The following DOCK4 variants were observed in gnomAD, a reference collection of about 807,000 sequenced individuals.
DOCK4 encodes dedicator of cytokinesis 4.
A neutral mutation model predicts 268.1 loss-of-function variants in DOCK4; 97 were observed. That is an observed-to-expected ratio of 0.36 (90% CI 0.31 to 0.43). DOCK4 has a LOEUF of 0.43. Among genes scored for constraint, DOCK4 ranks in the 20% least tolerant of loss-of-function variants. DOCK4 has a pLI of 1.00. For synonymous variants in DOCK4, 954 were observed against 887.2 expected (o/e 1.08, Z -1.34); for missense variants, 2,145 against 2,455.7 (o/e 0.87, Z 2.67).
intron 42 of DOCK4, among the ~76,000 whole-genome samples, chr7:111,750,487 A>G (rs1796558317): frequency 6.6e-6 from 1 of 152,240 alleles, no homozygotes; most frequent in Non-Finnish European, 1.5e-5. Flanking sequence ...GGAATGTTTC[A>G]TAATCGACAC....
chr7:111,916,980 GT>G (rs749349556), intron 12 of DOCK4, among the ~76,000 whole-genome samples: 175 of 83,968 alleles, frequency 2.1e-3, no homozygotes, highest in African/African-American at 5.7e-3. Flanking sequence ...TTTCCCCCAT[GT>G]TTTTTTTTTT....
At chr7:111,768,788 T>C (rs1797928054) in intron 37 of DOCK4, among the ~76,000 whole-genome samples, 1 of 152,236 alleles carries the variant, frequency 6.6e-6, no homozygotes, top group African/African-American at 2.4e-5. Flanking sequence ...GCAGAATGCA[T>C]GCCAATTTCG....
chr7:112,168,457 A>G (rs1817792978), intron 1 of DOCK4, among the ~76,000 whole-genome samples: 1 of 152,188 alleles, frequency 6.6e-6, no homozygotes, highest in Non-Finnish European at 1.5e-5. Context: ...TGGTAATCTC[A>G]GCACTCTGGG....
intron 1 of DOCK4, among the ~76,000 whole-genome samples, chr7:112,104,610 T>C (rs943691733): frequency 9.2e-5 from 14 of 152,204 alleles, no homozygotes; most frequent in African/African-American, 3.4e-4. Flanking sequence ...ATCTCCTGTA[T>C]TGGAGAGCAT....
At chr7:111,844,920 G>A in intron 24 of DOCK4, 23 bp from the exon 25 acceptor site, 1 of 1,595,160 alleles carries the variant, frequency 6.3e-7, no homozygotes, top group Non-Finnish European at 8.5e-7. Context: ...AAAATAATAT[G>A]TTCAGGAAAC....
intron 23 of DOCK4, among the ~76,000 whole-genome samples, chr7:111,859,307 GT>G (rs1281743610): frequency 4.6e-5 from 7 of 152,182 alleles, no homozygotes; most frequent in African/African-American, 1.7e-4. Flanking sequence ...AAGCCACTAA[GT>G]TTGCGATTAC....
chr7:112,202,275 A>C (rs1460406752), intron 1 of DOCK4, among the ~76,000 whole-genome samples: 5 of 152,234 alleles, frequency 3.3e-5, no homozygotes, highest in African/African-American at 1.2e-4. Context: ...GCTGTTTTAC[A>C]TAACAGCTGT....
At chr7:112,190,373 G>C (rs1303463136) in intron 1 of DOCK4, among the ~76,000 whole-genome samples, 2 of 152,176 alleles carry the variant, frequency 1.3e-5, no homozygotes, top group Admixed American at 6.5e-5. Flanking sequence ...CAGAGGTAGA[G>C]CAGTACTCTA....
At chr7:111,795,271 G>T (rs1030601465) in intron 30 of DOCK4, among the ~76,000 whole-genome samples, 1 of 151,874 alleles carries the variant, frequency 6.6e-6, no homozygotes, top group Non-Finnish European at 1.5e-5. Context: ...ATGAAGTACA[G>T]CTGAGAAACA....
At chr7:111,795,886 C>G (rs536204036) in intron 30 of DOCK4, among the ~76,000 whole-genome samples, 2 of 152,156 alleles carry the variant, frequency 1.3e-5, no homozygotes, top group African/African-American at 2.4e-5. Flanking sequence ...TTTGAACTAC[C>G]TTCTATCTTG....
At position 112,053,099 on chromosome 7, in the gene DOCK4, T is replaced by C. The variant is rs1043461719; in HGVS notation, c.38-48968A>G. On this transcript the variant is annotated intron_variant, in intron 1 of 52. Transcript: ENST00000428084. ...TAATATGATTCTGTTCTCTTAACCA[T>C]TGAAAACCTGGAGCTAAAAAAGCGC... is the stretch of plus-strand genomic sequence containing the variant. Among the ~76,000 whole-genome samples, 11 of 152,330 alleles carry C rather than the reference T, an allele frequency of 7.2e-5. 1 individual carries two copies. Among genetic ancestry groups the C allele is most frequent in the South Asian group, 4.1e-4 (2 of 4,832 alleles).
chr7:111,733,157 C>G (rs1200273503), intron 51 of DOCK4, among the ~76,000 whole-genome samples: 1 of 152,196 alleles, frequency 6.6e-6, no homozygotes, highest in Non-Finnish European at 1.5e-5. Flanking sequence ...CTGCTACTCT[C>G]CCAGCTGTCA....
At chr7:112,130,151 G>C (rs2116083639) in intron 1 of DOCK4, among the ~76,000 whole-genome samples, 1 of 152,288 alleles carries the variant, frequency 6.6e-6, no homozygotes, top group Admixed American at 6.5e-5. Flanking sequence ...TGGAAGGAAA[G>C]AGCAATCCAG....
At chr7:111,815,528 G>T (rs1263577356) in intron 27 of DOCK4, among the ~76,000 whole-genome samples, 1 of 152,068 alleles carries the variant, frequency 6.6e-6, no homozygotes, top group East Asian at 1.9e-4. Context: ...GCAAATCTCA[G>T]TGCTCCAACT....
chr7:111,928,568 A>G, intron 12 of DOCK4, among the ~76,000 whole-genome samples: 1 of 150,652 alleles, frequency 6.6e-6, no homozygotes. Flanking sequence ...CATGCAAAAT[A>G]GCCTGGATTT....
At chr7:112,031,685 A>T (rs768972745) in intron 1 of DOCK4, among the ~76,000 whole-genome samples, 37 of 152,160 alleles carry the variant, frequency 2.4e-4, no homozygotes, top group Non-Finnish European at 2.6e-4. Context: ...TGTGTATTTC[A>T]TCACTTCAAG....
intron 1 of DOCK4, among the ~76,000 whole-genome samples, chr7:112,021,295 G>A (rs1802296947): frequency 1.3e-5 from 2 of 152,284 alleles, no homozygotes; most frequent in African/African-American, 2.4e-5. Context: ...ATATAGATGA[G>A]GTAAATACCA....
At chr7:112,077,047 C>T (rs1016557704) in intron 1 of DOCK4, among the ~76,000 whole-genome samples, 2 of 151,936 alleles carry the variant, frequency 1.3e-5, no homozygotes, top group Non-Finnish European at 2.9e-5. Context: ...AAATGGGAAA[C>T]AGGGAGAGAA....
intron 1 of DOCK4, among the ~76,000 whole-genome samples, chr7:112,092,533 C>T (rs530084570): frequency 6.6e-6 from 1 of 152,224 alleles, no homozygotes; most frequent in East Asian, 1.9e-4. Flanking sequence ...TCTACCTGAA[C>T]GGAAAGAATC....
Sources: gnomAD v4.1 joint callset for allele counts (sites outside exome capture counted in the v4.1 genomes callset) on GRCh38, gnomAD v4.1.1 for gene constraint, MANE v1.5 for transcripts, NCBI Gene and HGNC (gene_info 2026-07-23, HGNC 2026-07-21) for gene names.